The following MLLT3 variants were observed in gnomAD, a reference collection of about 807,000 sequenced individuals.
The protein encoded by MLLT3 is protein AF-9.
In MLLT3, 4 loss-of-function variants were observed where a neutral mutation model predicts 53.2. That is an observed-to-expected ratio of 0.08 (90% CI 0.04 to 0.17). The LOEUF is 0.17. Among genes scored for constraint, MLLT3 ranks in the 10% least tolerant of loss-of-function variants. The pLI, the probability that MLLT3 is intolerant of heterozygous loss-of-function variation, is 1.00. For synonymous variants in MLLT3, 283 were observed against 230.6 expected (o/e 1.23, Z -2.06); for missense variants, 569 against 684.0 (o/e 0.83, Z 1.87).
intron 2 of MLLT3, among the ~76,000 whole-genome samples, chr9:20,476,786 T>C (rs1460596738): frequency 6.6e-6 from 1 of 152,164 alleles, no homozygotes; most frequent in Non-Finnish European, 1.5e-5. Context: ...GACATTTTCA[T>C]TGAATTCTCA....
At chr9:20,386,565 T>C (rs749540940) in intron 5 of MLLT3, among the ~76,000 whole-genome samples, 3 of 152,204 alleles carry the variant, frequency 2.0e-5, no homozygotes, top group East Asian at 1.9e-4. Flanking sequence ...ATAAAGCCTA[T>C]TGACAGAAGC....
In MLLT3 at chr9:20,351,409, T is replaced by A. The variant is rs1436388505; in HGVS notation, c.1575+2116A>T. ...ACTTTCCAAATAAATGTGGAACATG[T>A]GGTTTAAAGAGCAATCAAATTATTC... is the stretch of plus-strand genomic sequence containing the variant. On this transcript the variant is annotated intron_variant, in intron 10 of 10. Coordinates refer to ENST00000380338, the MANE Select transcript of MLLT3 (RefSeq NM_004529.4). 3.9e-5 allele frequency among the ~76,000 whole-genome samples: 6 copies of A among 152,198 alleles called. No homozygotes were observed. The South Asian group carries it at 1.2e-3, about 32-fold the overall frequency.
intron 2 of MLLT3, among the ~76,000 whole-genome samples, chr9:20,524,635 A>G (rs568294458): frequency 6.6e-6 from 1 of 152,336 alleles, no homozygotes; most frequent in Admixed American, 6.5e-5. Flanking sequence ...AAAATAGTAA[A>G]TAAAAATTAC....
chr9:20,498,227 C>CAAA lies in MLLT3; in HGVS notation c.194-41444_194-41442dup, dbSNP rs529049653. 1.1e-3 allele frequency among the ~76,000 whole-genome samples: 36 copies of CAAA among 32,516 alleles called. 7 individuals are homozygous for CAAA. The East Asian group carries it at 0.016, about 15-fold the overall frequency. The allele number at this position is 32,516 out of a possible 152,430, so 21.3% of individuals were successfully genotyped here. ...TAGGTGACAGAGCGAGACGCTGTCTCAAAAAAAAAAAAAAAAAAAAAAAAA... is the reference window on the plus strand; with the variant it reads ...TAGGTGACAGAGCGAGACGCTGTCTCAAAAAAAAAAAAAAAAAAAAAAAAAAAA... On this transcript the variant is annotated intron_variant, in intron 2 of 10. Transcript: ENST00000380338.
chr9:20,543,450 T>A (rs994666173), intron 2 of MLLT3, among the ~76,000 whole-genome samples: 1 of 152,142 alleles, frequency 6.6e-6, no homozygotes, highest in Non-Finnish European at 1.5e-5. Flanking sequence ...TCTTCAAAGA[T>A]CACTAGTCAC....
chr9:20,514,517 T>A (rs1247855909), intron 2 of MLLT3, among the ~76,000 whole-genome samples: 18 of 141,328 alleles, frequency 1.3e-4, no homozygotes, highest in Admixed American at 1.3e-3. Flanking sequence ...TATTTTTTTA[T>A]TTTTTTTTTG....
At chr9:20,512,118 T>A (rs1265392804) in intron 2 of MLLT3, among the ~76,000 whole-genome samples, 1 of 152,162 alleles carries the variant, frequency 6.6e-6, no homozygotes, top group Admixed American at 6.5e-5. Flanking sequence ...TCAAAAGTAT[T>A]CCTTTAATAA....
At chr9:20,346,912 A>G (rs897796688) in intron 10 of MLLT3, among the ~76,000 whole-genome samples, 5 of 152,112 alleles carry the variant, frequency 3.3e-5, no homozygotes, top group Non-Finnish European at 4.4e-5. Context: ...TTACTGACTC[A>G]ATAGACAGTG....
chr9:20,494,526 G>C (rs1013132657), intron 2 of MLLT3, among the ~76,000 whole-genome samples: 1 of 152,104 alleles, frequency 6.6e-6, no homozygotes, highest in Non-Finnish European at 1.5e-5. Flanking sequence ...ATACTGCAAT[G>C]ATATTTCCCA....
intron 2 of MLLT3, among the ~76,000 whole-genome samples, chr9:20,556,375 T>C (rs1042716195): frequency 5.9e-5 from 9 of 152,136 alleles, no homozygotes; most frequent in Non-Finnish European, 1.2e-4. Context: ...TGAACATGTA[T>C]TATATTAGAA....
chr9:20,423,213 C>T (rs1487547185), intron 4 of MLLT3, among the ~76,000 whole-genome samples: 1 of 152,090 alleles, frequency 6.6e-6, no homozygotes, highest in Non-Finnish European at 1.5e-5. Context: ...GTCTTAACCA[C>T]TACATTTTTA....
intron 4 of MLLT3, among the ~76,000 whole-genome samples, chr9:20,414,929 A>G (rs954128849): frequency 6.6e-6 from 1 of 152,230 alleles, no homozygotes; most frequent in Non-Finnish European, 1.5e-5. Context: ...AAGAATGGAA[A>G]GGTACTTAAG....
intron 4 of MLLT3, among the ~76,000 whole-genome samples, chr9:20,415,087 G>T (rs1238190954): frequency 6.6e-6 from 1 of 152,032 alleles, no homozygotes; most frequent in African/African-American, 2.4e-5. Context: ...AATTTCAAAT[G>T]GCTTTGCAAT....
rs531240575 is a variant in MLLT3 at position 20,461,279 on chromosome 9, T to C, written c.194-4493A>G. ...ACACAATATAGATTCAAATATATAA[T>C]ATGTAGTATGATGCTAACCATACAT... On this transcript the variant is annotated intron_variant, in intron 2 of 10. Coordinates refer to ENST00000380338, the MANE Select transcript of MLLT3 (RefSeq NM_004529.4). 2.0e-5 allele frequency among the ~76,000 whole-genome samples: 3 copies of C among 152,292 alleles called. No homozygotes were observed. In the South Asian group the frequency reaches 6.2e-4, roughly 32 times the overall value.
At position 20,622,401 on chromosome 9, in the gene MLLT3, TC is replaced by T; in HGVS notation, c.-146del. ...AGATGGCGGACATTCTCTGCCTTTT[TC>T]CCCCCGCGCTCGCTTGCTCGCTCGC... is the stretch of plus-strand genomic sequence containing the variant. On this transcript the variant is annotated 5_prime_UTR_variant, in exon 1 of 11. Transcript: ENST00000380338. 9.5e-6 allele frequency: 7 copies of T among 734,314 alleles called. No homozygotes were observed. Among genetic ancestry groups the T allele is most frequent in the East Asian group, 3.2e-5 (1 of 31,648 alleles). 45.5% of individuals were successfully genotyped at this position (734,314 alleles called of 1,614,324 possible).
At chr9:20,516,054 G>T (rs879632454) in intron 2 of MLLT3, among the ~76,000 whole-genome samples, 2 of 152,142 alleles carry the variant, frequency 1.3e-5, no homozygotes, top group Non-Finnish European at 2.9e-5. Flanking sequence ...AGCCAGTTAA[G>T]TAAGAGATAT....
At chr9:20,540,585 G>C (rs188736278) in intron 2 of MLLT3, among the ~76,000 whole-genome samples, 91 of 152,336 alleles carry the variant, frequency 6.0e-4, no homozygotes, top group African/African-American at 2.1e-3. Flanking sequence ...GGTGGGGCTG[G>C]AGATGGAGCA....
At chr9:20,411,714 T>C (rs1286007042) in intron 5 of MLLT3, 6 of 152,132 alleles carry the variant, frequency 3.9e-5, no homozygotes, top group African/African-American at 9.7e-5. Flanking sequence ...AATAAATACA[T>C]CAAATTGAAC....
chr9:20,349,768 C>T (rs16938027), intron 10 of MLLT3, among the ~76,000 whole-genome samples: 1,999 of 152,286 alleles, frequency 0.013, 37 homozygotes, highest in African/African-American at 0.046. Context: ...CATCACCACC[C>T]GCTACCTCCT....
Sources: allele counts gnomAD v4.1 joint callset (sites outside exome capture counted in the v4.1 genomes callset), GRCh38; gene constraint gnomAD v4.1.1; transcripts MANE v1.5; gene names NCBI Gene and HGNC (gene_info 2026-07-23, HGNC 2026-07-21).